Variants in ULK4 observed in about 807,000 individuals in gnomAD.
ULK4 encodes inactive serine/threonine-protein kinase ULK4.
A neutral mutation model predicts 160.6 loss-of-function variants in ULK4; 133 were observed. The ratio of observed to expected loss-of-function variants is 0.83; its 90% CI spans 0.72 to 0.96. The LOEUF is 0.96. Among genes scored for constraint, ULK4 ranks in the 40% least tolerant of loss-of-function variants. ULK4 has a pLI of 0.00. For missense variants in ULK4, 1,580 were observed against 1,499.5 expected (o/e 1.05, Z -0.89); for synonymous variants, 534 against 539.8 (o/e 0.99, Z 0.15).
At chr3:41,353,754 AG>A (rs2080971765) in intron 35 of ULK4, among the ~76,000 whole-genome samples, 1 of 149,132 alleles carries the variant, frequency 6.7e-6, no homozygotes, top group Non-Finnish European at 1.5e-5. Context: ...CTACTACTAA[AG>A]CAAAACAAAG....
chr3:41,590,461 C>CAAAAAAAAAAAAAA (rs71075479), intron 31 of ULK4, among the ~76,000 whole-genome samples: 8 of 56,784 alleles, frequency 1.4e-4, no homozygotes, highest in African/African-American at 4.1e-4. Flanking sequence ...ACTAAAAATA[C>CAAAAAAAAAAAAAA]AAAAAAAAAA....
At chr3:41,444,874 G>T (rs913333437) in intron 34 of ULK4, among the ~76,000 whole-genome samples, 11 of 152,072 alleles carry the variant, frequency 7.2e-5, no homozygotes, top group African/African-American at 2.2e-4. Context: ...TCTGGCCAGG[G>T]CAATCAGGCA....
At chr3:41,824,872 G>C (rs554278151) in intron 18 of ULK4, among the ~76,000 whole-genome samples, 68 of 152,328 alleles carry the variant, frequency 4.5e-4, no homozygotes, top group African/African-American at 1.6e-3. Flanking sequence ...GCCTCCTCAA[G>C]TGGGTCCCTG....
chr3:41,502,453 T>A (rs990713338), intron 32 of ULK4, among the ~76,000 whole-genome samples: 1 of 152,232 alleles, frequency 6.6e-6, no homozygotes, highest in Admixed American at 6.5e-5. Context: ...CTCTAGGTAT[T>A]TGCTCAAGAA....
intron 22 of ULK4, among the ~76,000 whole-genome samples, chr3:41,719,950 C>A (rs1285866795): frequency 6.6e-6 from 1 of 152,084 alleles, no homozygotes; most frequent in Non-Finnish European, 1.5e-5. Flanking sequence ...AAATACAGTA[C>A]CTCCCCATGC....
intron 30 of ULK4, among the ~76,000 whole-genome samples, chr3:41,641,426 G>C (rs1039428167): frequency 2.6e-5 from 4 of 152,166 alleles, no homozygotes; most frequent in African/African-American, 9.7e-5. Flanking sequence ...GCCAGGCACG[G>C]TGGCTCATGA....
chr3:41,468,667 G>T (rs1028940183), intron 32 of ULK4, among the ~76,000 whole-genome samples: 1 of 152,110 alleles, frequency 6.6e-6, no homozygotes, highest in African/African-American at 2.4e-5. Context: ...AAGATAAAAG[G>T]GTCTTATTTT....
chr3:41,462,172 T>C (rs2083701809), intron 33 of ULK4, among the ~76,000 whole-genome samples: 1 of 152,184 alleles, frequency 6.6e-6, no homozygotes, highest in South Asian at 2.1e-4. Context: ...TAACTGTGGA[T>C]AAAAGATATC....
At position 41,307,155 on chromosome 3, in the gene ULK4, A is replaced by T. The variant is rs866127026; in HGVS notation, c.3679-57581T>A. On this transcript the variant is annotated intron_variant, in intron 35 of 36. Transcript: ENST00000301831. ...CAAGAATTATCAATAAAAAATAAAT[A>T]AATTAAAAAAAAAAAAAACTGGAAT... is the stretch of plus-strand genomic sequence containing the variant. Among the ~76,000 whole-genome samples, 145 of 111,232 alleles carry T rather than the reference A, an allele frequency of 1.3e-3. 1 individual carries two copies. Among genetic ancestry groups the T allele is most frequent in the Admixed American group, 4.4e-3 (53 of 12,036 alleles). 73.0% of individuals were successfully genotyped at this position (111,232 alleles called of 152,430 possible). A position where few individuals can be genotyped will look rare whatever the true frequency, so the allele number is the denominator to read the frequency against.
intron 34 of ULK4, among the ~76,000 whole-genome samples, chr3:41,452,248 G>A (rs2083440823): frequency 6.6e-6 from 1 of 152,212 alleles, no homozygotes; most frequent in African/African-American, 2.4e-5. Flanking sequence ...CTCCAGGGTA[G>A]AGAATTAAGT....
At chr3:41,420,551 C>T (rs1365898915) in intron 34 of ULK4, among the ~76,000 whole-genome samples, 9 of 128,260 alleles carry the variant, frequency 7.0e-5, no homozygotes, top group African/African-American at 1.5e-4. Context: ...GGTGCAATCT[C>T]GGCTAATTGC....
chr3:41,942,574 T>G (rs570760387), intron 2 of ULK4, among the ~76,000 whole-genome samples: 7 of 152,074 alleles, frequency 4.6e-5, no homozygotes, highest in Admixed American at 2.0e-4. Context: ...TGCCAGCACT[T>G]TGGGAGGCCA....
intron 17 of ULK4, among the ~76,000 whole-genome samples, chr3:41,847,888 T>C (rs1418652032): frequency 6.6e-6 from 1 of 152,200 alleles, no homozygotes; most frequent in Admixed American, 6.5e-5. Context: ...ATGGACATAC[T>C]GAACAGATAA....
intron 32 of ULK4, among the ~76,000 whole-genome samples, chr3:41,469,679 T>C (rs1208230479): frequency 7.8e-6 from 1 of 128,540 alleles, no homozygotes; most frequent in African/African-American, 3.0e-5. Context: ...CAAACACCAA[T>C]GCAAGAACAC....
intron 35 of ULK4, among the ~76,000 whole-genome samples, chr3:41,332,754 G>C (rs947491796): frequency 1.3e-5 from 2 of 152,100 alleles, no homozygotes; most frequent in African/African-American, 4.8e-5. Flanking sequence ...TTGTCACCCA[G>C]ATAGTGAGCA....
intron 32 of ULK4, among the ~76,000 whole-genome samples, chr3:41,492,575 C>T (rs1335608309): frequency 1.3e-5 from 2 of 149,430 alleles, no homozygotes; most frequent in African/African-American, 5.0e-5. Flanking sequence ...CCACACATAA[C>T]AATATTAACT....
intron 34 of ULK4, among the ~76,000 whole-genome samples, chr3:41,432,988 A>C (rs1254482541): frequency 6.6e-6 from 1 of 152,164 alleles, no homozygotes; most frequent in East Asian, 1.9e-4. Flanking sequence ...TAAAACTCAA[A>C]ACTCTTAAAG....
intron 17 of ULK4, among the ~76,000 whole-genome samples, chr3:41,863,614 T>G (rs2042554491): frequency 6.6e-6 from 1 of 151,764 alleles, no homozygotes; most frequent in Non-Finnish European, 1.5e-5. Flanking sequence ...AATATGGGGG[T>G]ATCACTGCTG....
At chr3:41,256,738 G>A (rs1404703849) in intron 35 of ULK4, among the ~76,000 whole-genome samples, 1 of 152,164 alleles carries the variant, frequency 6.6e-6, no homozygotes, top group Non-Finnish European at 1.5e-5. Flanking sequence ...CTTCGTCAAT[G>A]TTAAAAACTT....
Sources: allele counts gnomAD v4.1 joint callset (sites outside exome capture counted in the v4.1 genomes callset), GRCh38; gene constraint gnomAD v4.1.1; transcripts MANE v1.5; gene names NCBI Gene and HGNC (gene_info 2026-07-23, HGNC 2026-07-21).